The following PUM3 variants were observed in gnomAD, a reference collection of about 807,000 sequenced individuals.
PUM3 encodes the protein pumilio homolog 3.
In PUM3, 91 loss-of-function variants were observed where a neutral mutation model predicts 84.0. The ratio of observed to expected loss-of-function variants is 1.08; its 90% CI spans 0.91 to 1.29. The LOEUF is 1.29. PUM3 is among the 50% of genes most tolerant of loss of function. The probability of loss-of-function intolerance (pLI) is 0.00; values close to 1 mark genes in which losing one functional copy is unlikely to be tolerated. For synonymous variants in PUM3, 321 were observed against 266.7 expected (o/e 1.20, Z -1.98); for missense variants, 1,067 against 767.5 (o/e 1.39, Z -4.61).
rs1175724508 is a variant in PUM3, at chr9:2,839,493, G to C, written c.-10-976C>G. Among the ~76,000 whole-genome samples the C allele has an allele frequency of 2.6e-5, 4 of 152,190 alleles. No individual in the cohort carries two copies. The East Asian group carries it at 7.7e-4, about 29-fold the overall frequency. ...TCAGCCCGTAAGAAAAGGCTTTTCAGATTCTTTAATTTGCTAATATATACA... is the reference window on the plus strand; with the variant it reads ...TCAGCCCGTAAGAAAAGGCTTTTCACATTCTTTAATTTGCTAATATATACA... On this transcript the variant is annotated intron_variant, in intron 1 of 17. Coordinates refer to ENST00000397885, the MANE Select transcript of PUM3 (RefSeq NM_014878.5).
rs552720507 is a variant in PUM3 at position 2,829,195 on chromosome 9, G to A, written c.853-417C>T. Among the ~76,000 whole-genome samples the A allele has an allele frequency of 5.3e-4, 81 of 152,314 alleles. 2 individuals are homozygous for A. In the South Asian group the frequency reaches 0.014, roughly 26 times the overall value. On this transcript the variant is annotated intron_variant, in intron 8 of 17. Coordinates refer to ENST00000397885, the MANE Select transcript of PUM3 (RefSeq NM_014878.5). ...TGAACCTGGCTAATGGAGGCAACCC[G>A]GGAATCAATCCATATCCCTTCAGAC...
intron 3 of PUM3, among the ~76,000 whole-genome samples, chr9:2,836,767 T>C (rs982646581): frequency 1.3e-5 from 2 of 152,232 alleles, no homozygotes; most frequent in South Asian, 4.1e-4. Context: ...GATTCTATGA[T>C]TAGTTGGGGC....
At chr9:2,842,171 A>AATC (rs982867036) in intron 1 of PUM3, among the ~76,000 whole-genome samples, 2 of 152,160 alleles carry the variant, frequency 1.3e-5, no homozygotes, top group African/African-American at 4.8e-5. Flanking sequence ...CTTCGTAATG[A>AATC]ATCATCACAT....
At chr9:2,827,683 T>C (rs930761324) in intron 9 of PUM3, among the ~76,000 whole-genome samples, 2 of 152,212 alleles carry the variant, frequency 1.3e-5, no homozygotes, top group African/African-American at 4.8e-5. Context: ...TGGAGGCCGA[T>C]GGTCAGGCAT....
Position 2,834,091 on chromosome 9 carries a change from C to G in PUM3, c.380G>C (p.Ser127Thr). 6.2e-7 allele frequency: 1 copy of G among 1,613,856 alleles called. No individual in the cohort carries two copies. Among genetic ancestry groups the G allele is most frequent in the Non-Finnish European group, 8.5e-7 (1 of 1,179,834 alleles). ...AACAATGTCATAGTTGGTTTTATCA[C>G]TGAGTTGTCTGCTTTGCTTCAGTTC... ...KKELKQSRQL[S>T]DKTNYDIVVR... The change falls in exon 4 of 18, where the codon AGT (serine) becomes ACT (threonine). Residue 127 changes from serine (S) to threonine (T), a missense_variant. Transcript: ENST00000397885.
At chr9:2,829,103 G>A (rs1815904314) in intron 8 of PUM3, among the ~76,000 whole-genome samples, 1 of 152,090 alleles carries the variant, frequency 6.6e-6, no homozygotes, top group African/African-American at 2.4e-5. Context: ...ATAATTAGTT[G>A]GCTATTCCTA....
chr9:2,817,111 G>C (rs998382832), intron 13 of PUM3, among the ~76,000 whole-genome samples: 1 of 152,264 alleles, frequency 6.6e-6, no homozygotes, highest in African/African-American at 2.4e-5. Context: ...TGTACCCAAG[G>C]AAATATACAC....
chr9:2,828,687 G>A lies in PUM3; in HGVS notation c.944C>T (p.Pro315Leu). 1 of 1,584,052 alleles carries A rather than the reference G, an allele frequency of 6.3e-7. No individual in the cohort carries two copies. Among genetic ancestry groups the A allele is most frequent in the Non-Finnish European group, 8.7e-7 (1 of 1,153,726 alleles). Residue 315 changes from proline (P) to leucine (L), a missense_variant, in exon 9 of 18, where the codon CCA becomes CTA. Pro to Leu is a moderately conservative substitution (Grantham distance 98). Coordinates refer to ENST00000397885, the MANE Select transcript of PUM3 (RefSeq NM_014878.5). ...IMDEMKQILTPMAQKEAVIKH... is the reference protein window; with the variant it reads ...IMDEMKQILTLMAQKEAVIKH... Reference sequence around the variant, plus strand: ...ACAACTTTCTTACTTTTGGGCCATTGGAGTTAGAATCTGTTTCATTTCATC... The same window carrying A: ...ACAACTTTCTTACTTTTGGGCCATTAGAGTTAGAATCTGTTTCATTTCATC...
At chr9:2,813,310 A>T (rs955401494) in intron 13 of PUM3, among the ~76,000 whole-genome samples, 4 of 152,250 alleles carry the variant, frequency 2.6e-5, no homozygotes, top group African/African-American at 9.6e-5. Context: ...TATTCTTAAT[A>T]GAGAAGATGC....
intron 12 of PUM3, among the ~76,000 whole-genome samples, chr9:2,820,880 C>T (rs908663571): frequency 6.6e-6 from 1 of 152,126 alleles, no homozygotes; most frequent in African/African-American, 2.4e-5. Context: ...AGAACACCTA[C>T]TTTATGTTAA....
chr9:2,832,706 G>A (rs902867301), intron 5 of PUM3, among the ~76,000 whole-genome samples: 1 of 152,142 alleles, frequency 6.6e-6, no homozygotes, highest in Non-Finnish European at 1.5e-5. Context: ...GGCAGCTGAT[G>A]ACTTGCTACT....
rs1816193782 is a variant in PUM3 at position 2,838,611 on chromosome 9, G to T, written c.-10-94C>A. The T allele has an allele frequency of 6.6e-6, 5 of 757,240 alleles. No homozygotes were observed. In the South Asian group the frequency reaches 7.7e-5, roughly 12 times the overall value. 46.9% of individuals were successfully genotyped at this position (757,240 alleles called of 1,614,324 possible). A position where few individuals can be genotyped will look rare whatever the true frequency, so the allele number is the denominator to read the frequency against. ...AGTCATTGCCACATTTAGTCCTTCA[G>T]TCTACAAATACAATACAAATCAGCC... On this transcript the variant is annotated intron_variant, in intron 1 of 17. Coordinates refer to ENST00000397885, the MANE Select transcript of PUM3 (RefSeq NM_014878.5).
chr9:2,837,834 A>G (rs1816169101), intron 2 of PUM3, among the ~76,000 whole-genome samples: 1 of 152,184 alleles, frequency 6.6e-6, no homozygotes, highest in Admixed American at 6.5e-5. Context: ...TTTGGAAAGT[A>G]TATCATAAGG....
chr9:2,823,762 G>A lies in PUM3; in HGVS notation c.1188+19C>T. 8.6e-7 allele frequency: 1 copy of A among 1,166,016 alleles called. No homozygotes were observed. 72.2% of individuals were successfully genotyped at this position (1,166,016 alleles called of 1,614,324 possible). ...TTACTATCAAAAATAATTAGAATAT[G>A]TAGTTTTATTATACTTACATTAGCC... is the stretch of plus-strand genomic sequence containing the variant. On this transcript the variant is annotated intron_variant, in intron 12 of 17. Transcript: ENST00000397885.
chr9:2,839,538 C>T (rs1272453416), intron 1 of PUM3, among the ~76,000 whole-genome samples: 1 of 152,204 alleles, frequency 6.6e-6, no homozygotes, highest in Non-Finnish European at 1.5e-5. Context: ...CAAGCAAAGG[C>T]TAAAGGATGC....
rs542481095 is a variant in PUM3, at chr9:2,811,443, G to T, written c.1553C>A (p.Ala518Asp). The T allele has an allele frequency of 5.6e-6, 9 of 1,614,134 alleles. No homozygotes were observed. The highest frequency in any genetic ancestry group is 6.8e-6 in the Non-Finnish European group (8 of 1,180,018). ...CVLVSDILGS[A>D]TGDVQPTMNA... Reference sequence around the variant, plus strand: ...CATGGTAGGCTGAACGTCTCCAGTGGCAGATCCCAGAATGTCAGACACCAA... The same window carrying T: ...CATGGTAGGCTGAACGTCTCCAGTGTCAGATCCCAGAATGTCAGACACCAA... Residue 518 changes from alanine (A) to aspartate (D), a missense_variant, in exon 15 of 18, where the codon GCC (alanine) becomes GAC (aspartate). Ala to Asp is a moderately radical substitution (Grantham distance 126). Coordinates refer to ENST00000397885, the MANE Select transcript of PUM3 (RefSeq NM_014878.5).
rs7861549 is a variant in PUM3, at chr9:2,824,677, G to A, written c.1134+40C>T. ...AAGCCTGCAGATAAAGCATGGCCCT[G>A]ACTTGTACAGTTTAAATGCCCAAGT... On this transcript the variant is annotated intron_variant, in intron 11 of 17. Transcript: ENST00000397885. 2.9e-3 allele frequency: 3,808 copies of A among 1,333,554 alleles called. 102 individuals are homozygous for A. The African/African-American group carries it at 0.049, about 17-fold the overall frequency. The allele number at this position is 1,333,554 out of a possible 1,614,324, so 82.6% of individuals were successfully genotyped here.
intron 5 of PUM3, among the ~76,000 whole-genome samples, chr9:2,832,632 T>G (rs1414730599): frequency 6.6e-6 from 1 of 152,194 alleles, no homozygotes; most frequent in African/African-American, 2.4e-5. Flanking sequence ...GAAATATTTA[T>G]AAATTGTCGG....
At chr9:2,821,985 A>G (rs1279753058) in intron 12 of PUM3, among the ~76,000 whole-genome samples, 1 of 152,214 alleles carries the variant, frequency 6.6e-6, no homozygotes, top group African/African-American at 2.4e-5. Context: ...CATAATATGA[A>G]TTAAGTGAAG....
Sources: allele counts gnomAD v4.1 joint callset (sites outside exome capture counted in the v4.1 genomes callset), GRCh38; gene constraint gnomAD v4.1.1; transcripts MANE v1.5; gene names NCBI Gene and HGNC (gene_info 2026-07-23, HGNC 2026-07-21).